RPH3AL: variants seen among roughly 807,000 people sequenced by gnomAD.
RPH3AL encodes rabphilin 3A like (without C2 domains), also known as rab effector Noc2.
A neutral mutation model predicts 43.1 loss-of-function variants in RPH3AL; 38 were observed. The observed-to-expected ratio is 0.88, with a 90% CI of 0.68 to 1.15. RPH3AL has a LOEUF of 1.15. Among genes scored for constraint, RPH3AL ranks in the 50% most tolerant of loss-of-function variants. The probability of loss-of-function intolerance (pLI) is 0.00; values close to 1 mark genes in which losing one functional copy is unlikely to be tolerated. For missense variants in RPH3AL, 462 were observed against 423.2 expected, an observed-to-expected ratio of 1.09 and a Z score of -0.81; for synonymous variants, 189 against 176.3, an observed-to-expected ratio of 1.07 and a Z score of -0.57.
chr17:331,610 C>T (rs368026652), intron 2 of RPH3AL: 28 of 1,286,888 alleles, frequency 2.2e-5, no homozygotes, highest in Admixed American at 1.6e-4. Flanking sequence ...AAACTGCCCA[C>T]GGAGCCAGTT....
chr17:250,958 C>G (rs782325470), intron 6 of RPH3AL, among the ~76,000 whole-genome samples: 11 of 152,262 alleles, frequency 7.2e-5, no homozygotes, highest in Non-Finnish European at 1.5e-4. Context: ...AGGGTTATCC[C>G]AGAGGGCAAA....
chr17:330,676 G>C (rs1337372525), intron 2 of RPH3AL, among the ~76,000 whole-genome samples: 3 of 152,120 alleles, frequency 2.0e-5, no homozygotes, highest in Non-Finnish European at 4.4e-5. Flanking sequence ...AGGAGTTTGA[G>C]ACCAGCCTGG....
chr17:223,686 A>G (rs924973967), intron 7 of RPH3AL, among the ~76,000 whole-genome samples: 2 of 152,292 alleles, frequency 1.3e-5, no homozygotes, highest in African/African-American at 4.8e-5. Context: ...ATGAAAATCC[A>G]CCATGGGCAC....
intron 5 of RPH3AL, among the ~76,000 whole-genome samples, chr17:304,783 C>G (rs145598277): frequency 6.6e-6 from 1 of 151,814 alleles, no homozygotes; most frequent in Non-Finnish European, 1.5e-5. Context: ...CCCTGCCCCA[C>G]GGAGCCATTT....
chr17:304,766 C>T (rs891143834), intron 5 of RPH3AL, among the ~76,000 whole-genome samples: 1 of 151,952 alleles, frequency 6.6e-6, no homozygotes, highest in African/African-American at 2.4e-5. Context: ...TCTTTTGTTC[C>T]CTCCCGCCCT....
At chr17:321,531 T>G in intron 3 of RPH3AL, 116 bp from the exon 4 acceptor site, 1 of 1,212,338 alleles carries the variant, frequency 8.2e-7, no homozygotes, top group Non-Finnish European at 1.1e-6. Flanking sequence ...AGGTGCCGCG[T>G]GCCGGGACGA....
intron 5 of RPH3AL, among the ~76,000 whole-genome samples, chr17:292,836 C>T (rs958668111): frequency 1.3e-5 from 2 of 152,236 alleles, no homozygotes; most frequent in African/African-American, 4.8e-5. Context: ...TGGGAGCACG[C>T]CGAGCCCTGG....
At chr17:240,771 C>A (rs921352368) in intron 7 of RPH3AL, among the ~76,000 whole-genome samples, 2 of 152,104 alleles carry the variant, frequency 1.3e-5, no homozygotes, top group African/African-American at 2.4e-5. Flanking sequence ...ATTTAAAAAT[C>A]GTCTTCGGCC....
intron 5 of RPH3AL, among the ~76,000 whole-genome samples, chr17:313,258 C>G (rs1466995169): frequency 6.6e-6 from 1 of 152,184 alleles, no homozygotes; most frequent in Non-Finnish European, 1.5e-5. Context: ...CCACCTGTCT[C>G]CAGCACTAGG....
At chr17:338,649 C>T (rs1363316303) in intron 1 of RPH3AL, 2 of 152,178 alleles carry the variant, frequency 1.3e-5, no homozygotes, top group Admixed American at 6.5e-5. Flanking sequence ...CGGGCAGTAT[C>T]GAGCATTCAT....
chr17:329,356 A>G (rs571192239), intron 2 of RPH3AL, among the ~76,000 whole-genome samples: 1 of 152,286 alleles, frequency 6.6e-6, no homozygotes, highest in Non-Finnish European at 1.5e-5. Flanking sequence ...AGTGCCTGTA[A>G]TCCCAGCTAC....
At chr17:315,325 C>G (rs1160587224) in intron 5 of RPH3AL, among the ~76,000 whole-genome samples, 2 of 152,072 alleles carry the variant, frequency 1.3e-5, no homozygotes, top group African/African-American at 2.4e-5. Context: ...GTGACCCCAC[C>G]TCCACTGACC....
rs762397455 is a variant in RPH3AL, at chr17:319,516, C to A, written c.255G>T (p.Arg85=). Residue 85 remains arginine, a synonymous_variant, in exon 5 of 10, where the codon CGG becomes CGT. Coordinates refer to ENST00000331302, the MANE Select transcript of RPH3AL (RefSeq NM_006987.4). ...RLVERLETMR[R]NVMGNGLSQC... is the part of the protein sequence containing the mutation. ...GGGACAGGCCGTTCCCCATCACATT[C>A]CGCCTCATGGTCTCCAGCCGCTCCA... The A allele has an allele frequency of 3.1e-6, 5 of 1,612,230 alleles. No individual in the cohort carries two copies. The Admixed American group carries it at 8.3e-5, about 27-fold the overall frequency.
At chr17:272,104 C>CAACA (rs1179227065) in intron 6 of RPH3AL, among the ~76,000 whole-genome samples, 3 of 152,146 alleles carry the variant, frequency 2.0e-5, no homozygotes, top group Admixed American at 2.0e-4. Context: ...AGTCAGAAAA[C>CAACA]AACAGGTGCT....
At chr17:261,584 A>G (rs993728260) in intron 6 of RPH3AL, 2 of 152,240 alleles carry the variant, frequency 1.3e-5, no homozygotes, top group South Asian at 2.1e-4. Context: ...TAGGCCAGCT[A>G]TAAGGAAACC....
intron 7 of RPH3AL, among the ~76,000 whole-genome samples, chr17:243,426 T>C (rs1425389701): frequency 6.8e-6 from 1 of 146,108 alleles, no homozygotes; most frequent in Non-Finnish European, 1.5e-5. Flanking sequence ...TTGATTACCC[T>C]TCCTCTATTG....
chr17:219,586 GCCC>G, intron 8 of RPH3AL, 34 bp downstream of exon 8: 1 of 1,140,142 alleles, frequency 8.8e-7, no homozygotes, highest in East Asian at 2.7e-5. Flanking sequence ...AGTGCACCGT[GCCC>G]GGCCAATAAG....
At chr17:339,728 A>G (rs1236233406) in intron 1 of RPH3AL, 4 of 152,242 alleles carry the variant, frequency 2.6e-5, no homozygotes, top group Non-Finnish European at 4.4e-5. Context: ...GTCGGGTTGC[A>G]GGTGCGGTGC....
At chr17:340,205 C>T (rs192213420) in intron 1 of RPH3AL, among the ~76,000 whole-genome samples, 24 of 152,118 alleles carry the variant, frequency 1.6e-4, no homozygotes, top group East Asian at 5.8e-4. Context: ...CCAAAGGCCC[C>T]GCTCCACCCA....
Sources: gnomAD v4.1 joint callset for allele counts (sites outside exome capture counted in the v4.1 genomes callset) on GRCh38, gnomAD v4.1.1 for gene constraint, MANE v1.5 for transcripts, NCBI Gene and HGNC (gene_info 2026-07-23, HGNC 2026-07-21) for gene names.